Variants in TIMP3 observed in about 807,000 individuals in gnomAD.
TIMP3 encodes the protein metalloproteinase inhibitor 3.
TIMP3 carries 11 observed loss-of-function variants against 30.0 expected under a neutral mutation model. The ratio of observed to expected loss-of-function variants is 0.37; its 90% CI spans 0.23 to 0.61. The LOEUF (loss-of-function observed/expected upper bound fraction) is 0.61. TIMP3 is among the 20% of genes least tolerant of loss of function. The pLI is 0.70. For synonymous variants in TIMP3, 112 were observed against 111.3 expected (o/e 1.01, Z -0.04); for missense variants, 181 against 276.8 (o/e 0.65, Z 2.45).
intron 1 of TIMP3, among the ~76,000 whole-genome samples, chr22:32,827,699 C>A (rs541730047): frequency 2.0e-3 from 311 of 152,330 alleles, no homozygotes; most frequent in African/African-American, 7.3e-3. Flanking sequence ...TCAAAGCCCT[C>A]CAGTGGCTTC....
At chr22:32,816,910 C>T (rs1282110231) in intron 1 of TIMP3, among the ~76,000 whole-genome samples, 2 of 152,140 alleles carry the variant, frequency 1.3e-5, no homozygotes, top group African/African-American at 2.4e-5. Flanking sequence ...GTGATCCTTG[C>T]ACCACCAATC....
intron 1 of TIMP3, among the ~76,000 whole-genome samples, chr22:32,816,146 G>T (rs963327763): frequency 6.6e-6 from 1 of 152,086 alleles, no homozygotes; most frequent in Admixed American, 6.6e-5. Context: ...TGTCCATTCC[G>T]CCTTCCCAGT....
chr22:32,801,976 C>G lies in TIMP3; in HGVS notation c.-26C>G. Reference sequence around the variant, plus strand: ...GCAACTTTGGAGAGGCGAGCAGCAGCCCCGGCAGCGGCGGCAGCAGCGGCA... The same window carrying G: ...GCAACTTTGGAGAGGCGAGCAGCAGGCCCGGCAGCGGCGGCAGCAGCGGCA... On this transcript the variant is annotated 5_prime_UTR_variant, in exon 1 of 5. Coordinates refer to ENST00000266085, the MANE Select transcript of TIMP3 (RefSeq NM_000362.5). This position sits in a 1 kb window ranked among gnomAD's most constrained non-coding sequence, Gnocchi z 4.7. 1 of 1,580,486 alleles carries G rather than the reference C, an allele frequency of 6.3e-7. No individual in the cohort carries two copies. The highest frequency in any genetic ancestry group is 8.5e-7 in the Non-Finnish European group (1 of 1,170,692).
intron 1 of TIMP3, among the ~76,000 whole-genome samples, chr22:32,839,778 T>C (rs28698967): frequency 6.6e-6 from 1 of 152,188 alleles, no homozygotes; most frequent in African/African-American, 2.4e-5. Flanking sequence ...AAGGCCAGCA[T>C]GGGATGCTAA....
chr22:32,813,246 C>T (rs952225573), intron 1 of TIMP3, among the ~76,000 whole-genome samples: 4 of 152,104 alleles, frequency 2.6e-5, no homozygotes, highest in African/African-American at 9.7e-5. Flanking sequence ...TATTATAAGA[C>T]AAGCAATAAA....
intron 1 of TIMP3, among the ~76,000 whole-genome samples, chr22:32,808,658 C>T (rs2046830655): frequency 6.6e-6 from 1 of 152,196 alleles, no homozygotes; most frequent in African/African-American, 2.4e-5. Context: ...TGGCCCATGA[C>T]ACCCCCTCGG....
chr22:32,856,988 T>C (rs1182368595), intron 2 of TIMP3, among the ~76,000 whole-genome samples: 2 of 152,194 alleles, frequency 1.3e-5, no homozygotes, highest in Non-Finnish European at 2.9e-5. Flanking sequence ...AATGACAAGA[T>C]TTCATTCTTT....
At chr22:32,859,117 T>G in intron 4 of TIMP3, 63 bp from the exon 5 acceptor site, 1 of 1,576,236 alleles carries the variant, frequency 6.3e-7, no homozygotes, top group Non-Finnish European at 8.7e-7. Flanking sequence ...CCAGGCTCGG[T>G]AGCCTCAGGC....
At chr22:32,856,279 T>C (rs1601552630) in intron 2 of TIMP3, among the ~76,000 whole-genome samples, 1 of 82,756 alleles carries the variant, frequency 1.2e-5, no homozygotes, top group Non-Finnish European at 2.6e-5. Flanking sequence ...ATGTCAGACA[T>C]GTGTAGCCGA....
chr22:32,856,237 C>G (rs1427376), intron 2 of TIMP3, among the ~76,000 whole-genome samples: 22,676 of 152,006 alleles, frequency 0.15, 1,932 homozygotes, highest in Non-Finnish European at 0.2. Context: ...TTTGTCACAG[C>G]TACTTCTCTG....
chr22:32,816,835 G>T (rs2047098596), intron 1 of TIMP3, among the ~76,000 whole-genome samples: 1 of 152,172 alleles, frequency 6.6e-6, no homozygotes, highest in African/African-American at 2.4e-5. Flanking sequence ...CAGGTGTGCT[G>T]TAAGGATGGG....
chr22:32,823,275 G>A (rs2047306456), intron 1 of TIMP3, among the ~76,000 whole-genome samples: 1 of 152,212 alleles, frequency 6.6e-6, no homozygotes, highest in Non-Finnish European at 1.5e-5. Context: ...TTGCTCTTAC[G>A]GACCTGACGC....
At chr22:32,834,459 G>C (rs2047672520) in intron 1 of TIMP3, among the ~76,000 whole-genome samples, 1 of 152,098 alleles carries the variant, frequency 6.6e-6, no homozygotes, top group African/African-American at 2.4e-5. Context: ...CACTGCACCC[G>C]GCCAAGCCCA....
intron 1 of TIMP3, among the ~76,000 whole-genome samples, chr22:32,848,279 T>C (rs2048125955): frequency 6.6e-6 from 1 of 152,222 alleles, no homozygotes; most frequent in Admixed American, 6.5e-5. Context: ...ATCTACTGGG[T>C]AAATCCTTTC....
At chr22:32,802,161 A>T in intron 1 of TIMP3, 39 bp downstream of exon 1, 1 of 1,562,402 alleles carries the variant, frequency 6.4e-7, no homozygotes, top group Non-Finnish European at 8.6e-7. Flanking sequence ...CCCACGCTGC[A>T]GCCAGGACTG....
chr22:32,820,261 T>TGTGC (rs1555971860), intron 1 of TIMP3, among the ~76,000 whole-genome samples: 17 of 147,670 alleles, frequency 1.2e-4, no homozygotes, highest in Non-Finnish European at 1.8e-4. Context: ...TGTGTGTGTG[T>TGTGC]GCGTGCGCGT....
chr22:32,859,683 A>T lies in TIMP3; in HGVS notation c.*306A>T. 2 of 365,684 alleles carry T rather than the reference A, an allele frequency of 5.5e-6. No homozygotes were observed. Among genetic ancestry groups the T allele is most frequent in the East Asian group, 5.6e-5 (1 of 17,722 alleles). The allele number at this position is 365,684 out of a possible 1,614,324, so 22.7% of individuals were successfully genotyped here. A position where few individuals can be genotyped will look rare whatever the true frequency, so the allele number is the denominator to read the frequency against. ...GTGATAATATAATCTCTATTTTTTT[A>T]GGAAAACAAAAATGAAAAACTACTC... On this transcript the variant is annotated 3_prime_UTR_variant, in exon 5 of 5. Coordinates refer to ENST00000266085, the MANE Select transcript of TIMP3 (RefSeq NM_000362.5).
intron 1 of TIMP3, among the ~76,000 whole-genome samples, chr22:32,817,119 T>C (rs2047107471): frequency 6.6e-6 from 1 of 151,514 alleles, no homozygotes; most frequent in Admixed American, 6.6e-5. Context: ...TCTTGAGGCT[T>C]AGGTGGGAGA....
chr22:32,814,668 C>T (rs5754296), intron 1 of TIMP3, among the ~76,000 whole-genome samples: 7,212 of 152,192 alleles, frequency 0.047, 209 homozygotes, highest in African/African-American at 0.059. Context: ...GAATGCTCCA[C>T]CTGGATAGTT....
Sources: gnomAD v4.1 joint callset for allele counts (sites outside exome capture counted in the v4.1 genomes callset) on GRCh38, gnomAD v4.1.1 for gene constraint, Gnocchi (gnomAD v3.1) non-coding constraint, MANE v1.5 for transcripts, NCBI Gene and HGNC (gene_info 2026-07-23, HGNC 2026-07-21) for gene names.